RP1: variants seen among roughly 807,000 people sequenced by gnomAD.
RP1 encodes the protein oxygen-regulated protein 1.
A neutral mutation model predicts 14.8 loss-of-function variants in RP1; 16 were observed. The observed-to-expected ratio is 1.08, with a 90% confidence interval of 0.73 to 1.65. The LOEUF is 1.65. Among genes scored for constraint, RP1 ranks in the 40% most tolerant of loss-of-function variants. The probability of loss-of-function intolerance (pLI) is 0.00; values close to 1 mark genes in which losing one functional copy is unlikely to be tolerated. For synonymous variants in RP1, 876 were observed against 883.6 expected (o/e 0.99, Z 0.15); for missense variants, 2,631 against 2,535.0 (o/e 1.04, Z -0.81).
At chr8:54,755,709 G>A (rs1187269372) in exon 21 of RP1, 5 of 1,535,594 alleles carry the variant, frequency 3.3e-6, no homozygotes, top group East Asian at 2.4e-5. Flanking sequence ...GGGGAGAGGG[G>A]AGACTCTGGC....
intron 7 of RP1, among the ~76,000 whole-genome samples, chr8:54,670,667 GTTTT>G (rs368342457): frequency 2.3e-5 from 1 of 42,614 alleles, no homozygotes; most frequent in African/African-American, 1.1e-4. Context: ...TAATATATAT[GTTTT>G]TATATATATA....
At chr8:54,639,384 T>C (rs957935615) in intron 3 of RP1, among the ~76,000 whole-genome samples, 1 of 152,238 alleles carries the variant, frequency 6.6e-6, no homozygotes. Context: ...TAAACATTCA[T>C]GTCCAGTCTT....
chr8:54,835,548 T>A (rs1435067746), intron 24 of RP1, among the ~76,000 whole-genome samples: 1 of 152,162 alleles, frequency 6.6e-6, no homozygotes, highest in East Asian at 1.9e-4. Context: ...TGTCTTTAGA[T>A]TAGATATATT....
chr8:54,829,902 C>T (rs991255214), intron 24 of RP1, among the ~76,000 whole-genome samples: 12 of 151,966 alleles, frequency 7.9e-5, no homozygotes, highest in African/African-American at 2.9e-4. Context: ...ACACTTTCTC[C>T]CATAAACCAG....
chr8:54,814,887 T>C (rs2129394604), intron 24 of RP1, among the ~76,000 whole-genome samples: 1 of 152,332 alleles, frequency 6.6e-6, no homozygotes, highest in East Asian at 1.9e-4. Flanking sequence ...TGCCACCACC[T>C]GGCCACTGCC....
At chr8:54,772,466 C>G (rs768466688), downstream of RP1, among the ~76,000 whole-genome samples, 1 of 152,078 alleles carries the variant, frequency 6.6e-6, no homozygotes, top group African/African-American at 2.4e-5. Flanking sequence ...CTTTTATTAT[C>G]CTCATATGTT....
intron 24 of RP1, among the ~76,000 whole-genome samples, chr8:54,813,395 G>A (rs1231548809): frequency 2.6e-5 from 4 of 152,124 alleles, no homozygotes; most frequent in Non-Finnish European, 1.5e-5. Flanking sequence ...ACTTTACTCC[G>A]TGGTTAACCT....
At chr8:54,797,874 T>G (rs1210597427) in intron 24 of RP1, among the ~76,000 whole-genome samples, 3 of 16,474 alleles carry the variant, frequency 1.8e-4, no homozygotes, top group Non-Finnish European at 5.8e-4. Flanking sequence ...TTTCCCAACC[T>G]TTTTTTTTTT....
At chr8:54,596,376 T>C (rs2129302761) in intron 1 of RP1, among the ~76,000 whole-genome samples, 1 of 152,292 alleles carries the variant, frequency 6.6e-6, no homozygotes, top group East Asian at 1.9e-4. Flanking sequence ...GCATGAACAA[T>C]AATATTCACC....
intron 27 of RP1, among the ~76,000 whole-genome samples, chr8:54,861,540 C>T (rs1239925902): frequency 6.6e-6 from 1 of 152,176 alleles, no homozygotes; most frequent in Non-Finnish European, 1.5e-5. Flanking sequence ...CTTGTTAATG[C>T]ATAGTTGTGT....
intron 3 of RP1, among the ~76,000 whole-genome samples, chr8:54,624,276 C>T (rs1355739658): frequency 1.3e-5 from 2 of 151,668 alleles, no homozygotes; most frequent in African/African-American, 2.4e-5. Flanking sequence ...AAACCTGTCT[C>T]GATTAAAAAT....
At chr8:54,796,657 C>T (rs758578806) in intron 24 of RP1, among the ~76,000 whole-genome samples, 1 of 152,066 alleles carries the variant, frequency 6.6e-6, no homozygotes, top group Non-Finnish European at 1.5e-5. Flanking sequence ...TGACAGCCAC[C>T]ACCAGGAGCT....
In RP1 at chr8:54,746,835, G is replaced by A. The variant is rs139480488; in HGVS notation, c.2808+7806G>A. ...CTCAACGGTACTTGGTATCTCACAAGTTGTGAATATCAAGTGAAAAAAATA... is the reference window on the plus strand; with the variant it reads ...CTCAACGGTACTTGGTATCTCACAAATTGTGAATATCAAGTGAAAAAAATA... On this transcript the variant is annotated intron_variant, in intron 19 of 22. Transcript: ENST00000636932. 8.9e-3 allele frequency among the ~76,000 whole-genome samples: 1,357 copies of A among 152,244 alleles called. 9 individuals are homozygous for A. Among genetic ancestry groups the A allele is most frequent in the Non-Finnish European group, 0.015 (1,027 of 68,008 alleles).
chr8:54,741,015 G>C (rs950083899), intron 19 of RP1, among the ~76,000 whole-genome samples: 3 of 149,646 alleles, frequency 2.0e-5, no homozygotes, highest in Non-Finnish European at 4.4e-5. Context: ...CAGTCTGGGG[G>C]ACAAGAGTGA....
At chr8:54,588,438 C>G (rs1804979148) in intron 1 of RP1, among the ~76,000 whole-genome samples, 1 of 152,084 alleles carries the variant, frequency 6.6e-6, no homozygotes, top group African/African-American at 2.4e-5. Flanking sequence ...GAAGCTAGGC[C>G]TTCATGTTTT....
intron 15 of RP1, among the ~76,000 whole-genome samples, chr8:54,707,369 T>C (rs1271304219): frequency 1.3e-5 from 2 of 152,134 alleles, no homozygotes; most frequent in African/African-American, 4.8e-5. Flanking sequence ...AGAGATCCAC[T>C]GCCTTGGCCT....
rs546158190 is a variant in RP1 at position 54,742,016 on chromosome 8, T to G, written c.2808+2987T>G. Among the ~76,000 whole-genome samples the G allele has an allele frequency of 7.9e-5, 12 of 152,034 alleles. No homozygotes were observed. In the South Asian group the frequency reaches 2.5e-3, roughly 32 times the overall value. On this transcript the variant is annotated intron_variant, in intron 19 of 22. Coordinates refer to the RP1 transcript ENST00000636932. ...CTGAGGCTCGATCAAGTTAAGTAAT[T>G]TGCCTGAGGTTCCTCAGTAAATGGT...
chr8:54,828,945 G>A (rs1811456150), intron 24 of RP1, among the ~76,000 whole-genome samples: 1 of 130,600 alleles, frequency 7.7e-6, no homozygotes, highest in South Asian at 2.6e-4. Context: ...AGGCTGGAGT[G>A]CAGTGGTGCG....
chr8:54,722,088 C>T (rs1007116118), intron 16 of RP1, among the ~76,000 whole-genome samples: 1 of 151,426 alleles, frequency 6.6e-6, no homozygotes, highest in Non-Finnish European at 1.5e-5. Context: ...ACTAAAAATA[C>T]AAAAATTAGC....
Sources: allele counts gnomAD v4.1 joint callset (sites outside exome capture counted in the v4.1 genomes callset), GRCh38; gene constraint gnomAD v4.1.1; transcripts MANE v1.5; gene names NCBI Gene and HGNC (gene_info 2026-07-23, HGNC 2026-07-21).